Variants in PTCHD4 observed in about 807,000 individuals in gnomAD.
The protein encoded by PTCHD4 is patched domain-containing protein 4.
PTCHD4 carries 33 observed loss-of-function variants against 58.1 expected under a neutral mutation model. The ratio of observed to expected loss-of-function variants is 0.57; its 90% CI spans 0.43 to 0.76. The LOEUF is 0.76. Ranked by LOEUF, PTCHD4 falls within the 30% of genes least tolerant of loss-of-function variation. PTCHD4 has a pLI of 0.00. For synonymous variants in PTCHD4, 478 were observed against 409.6 expected (o/e 1.17, Z -2.02); for missense variants, 1,058 against 1,027.1 (o/e 1.03, Z -0.41).
intron 3 of PTCHD4, among the ~76,000 whole-genome samples, chr6:48,045,547 A>G (rs1450895065): frequency 6.6e-6 from 1 of 151,774 alleles, no homozygotes; most frequent in Non-Finnish European, 1.5e-5. Flanking sequence ...TCTTCCCTTC[A>G]GAGCATAAGA....
chr6:47,962,310 G>C (rs1361448077), intron 4 of PTCHD4, among the ~76,000 whole-genome samples: 1 of 152,112 alleles, frequency 6.6e-6, no homozygotes, highest in Non-Finnish European at 1.5e-5. Flanking sequence ...TTCAGGCAAC[G>C]AAGCTTCTGC....
In PTCHD4 at chr6:47,966,371, G is replaced by C. The variant is rs980783512; in HGVS notation, c.898+42263C>G. The stretch of plus-strand genomic sequence containing the variant: ...AATTAAAAATATTTTTTGGTAAAAA[G>C]TGCTAATGATTTTCTGAGCCTTGTG... On this transcript the variant is annotated intron_variant, in intron 4 of 4. Coordinates refer to ENST00000339488, the MANE Select transcript of PTCHD4 (RefSeq NM_001384253.1). Among the ~76,000 whole-genome samples the C allele has an allele frequency of 2.0e-5, 3 of 152,192 alleles. No individual in the cohort carries two copies. In the South Asian group the frequency reaches 6.2e-4, roughly 32 times the overall value.
chr6:47,893,670 T>C (rs182224058), intron 4 of PTCHD4, among the ~76,000 whole-genome samples: 3 of 152,340 alleles, frequency 2.0e-5, no homozygotes, highest in East Asian at 3.9e-4. Context: ...GAAACACAGA[T>C]ACATGAGTCC....
At chr6:48,064,100 G>A (rs1764715773) in intron 3 of PTCHD4, among the ~76,000 whole-genome samples, 1 of 152,114 alleles carries the variant, frequency 6.6e-6, no homozygotes, top group African/African-American at 2.4e-5. Context: ...GGTTATTAAT[G>A]GCATATAATG....
At chr6:47,996,635 A>G (rs1768498490) in intron 4 of PTCHD4, among the ~76,000 whole-genome samples, 1 of 152,166 alleles carries the variant, frequency 6.6e-6, no homozygotes, top group Non-Finnish European at 1.5e-5. Context: ...CCTGATGACT[A>G]CTTTCTTATT....
chr6:47,919,803 C>T (rs1349373337), intron 4 of PTCHD4, among the ~76,000 whole-genome samples: 3 of 152,052 alleles, frequency 2.0e-5, no homozygotes, highest in South Asian at 2.1e-4. Context: ...AAACAATTCT[C>T]GGTGTTCACT....
chr6:48,012,937 T>C (rs753924129), intron 3 of PTCHD4, among the ~76,000 whole-genome samples: 13 of 152,194 alleles, frequency 8.5e-5, no homozygotes, highest in Non-Finnish European at 1.2e-4. Context: ...TTGATTGTGG[T>C]AGATAAGCTT....
In PTCHD4 at chr6:47,860,375, C is replaced by A. The variant is rs1763396135; in HGVS notation, c.*17928G>T. 6.6e-6 allele frequency among the ~76,000 whole-genome samples: 1 copy of A among 151,878 alleles called. No homozygotes were observed. Among genetic ancestry groups the A allele is most frequent in the African/African-American group, 2.4e-5 (1 of 41,366 alleles). On this transcript the variant is annotated 3_prime_UTR_variant, in exon 5 of 5. Coordinates refer to ENST00000339488, the MANE Select transcript of PTCHD4 (RefSeq NM_001384253.1). ...ACAAAGAAATATATGACTCTAAAAA[C>A]AAATTCAGGTATTTTGAGAATATAG...
intron 4 of PTCHD4, among the ~76,000 whole-genome samples, chr6:47,897,623 G>A (rs1764564523): frequency 6.6e-6 from 1 of 152,188 alleles, no homozygotes; most frequent in Non-Finnish European, 1.5e-5. Flanking sequence ...GTTAGGTGGA[G>A]ATTCCTACAT....
intron 4 of PTCHD4, chr6:47,900,051 T>C (rs1764648644): frequency 6.6e-6 from 1 of 152,232 alleles, no homozygotes; most frequent in South Asian, 2.1e-4. Context: ...GACATTTGGA[T>C]TGTGTCTACC....
intron 3 of PTCHD4, among the ~76,000 whole-genome samples, chr6:48,066,988 G>C (rs1446186007): frequency 6.6e-6 from 1 of 151,508 alleles, no homozygotes; most frequent in Non-Finnish European, 1.5e-5. Context: ...TTCATTTATT[G>C]AAACTGGGGT....
chr6:47,967,271 A>G (rs1446926028), intron 4 of PTCHD4, among the ~76,000 whole-genome samples: 1 of 152,240 alleles, frequency 6.6e-6, no homozygotes, highest in Non-Finnish European at 1.5e-5. Flanking sequence ...TAATATTTTG[A>G]AAGGACTCTT....
chr6:48,027,580 T>C lies in PTCHD4; in HGVS notation c.418-18466A>G, dbSNP rs1343392964. Among the ~76,000 whole-genome samples, 6 of 152,180 alleles carry C rather than the reference T, an allele frequency of 3.9e-5. No individual in the cohort carries two copies. In the East Asian group the frequency reaches 7.7e-4, roughly 20 times the overall value. On this transcript the variant is annotated intron_variant, in intron 3 of 4. Transcript: ENST00000339488. ...TATGCTAAGTAACAGATATTTATTA[T>C]AAATCTAGATCATTTCTAACATAAA...
chr6:48,064,797 C>T (rs572509101), intron 3 of PTCHD4, among the ~76,000 whole-genome samples: 15 of 152,040 alleles, frequency 9.9e-5, no homozygotes, highest in South Asian at 2.1e-4. Flanking sequence ...AAAGGATATA[C>T]GATATGATTT....
At chr6:47,969,177 A>G (rs1767408821) in intron 4 of PTCHD4, among the ~76,000 whole-genome samples, 1 of 152,214 alleles carries the variant, frequency 6.6e-6, no homozygotes, top group African/African-American at 2.4e-5. Context: ...TAAAAAATGG[A>G]GTTACTGATC....
chr6:48,088,686 A>C (rs1765307718), intron 1 of PTCHD4, among the ~76,000 whole-genome samples: 1 of 152,200 alleles, frequency 6.6e-6, no homozygotes, highest in Admixed American at 6.5e-5. Context: ...TACATGTTTC[A>C]CACAGTCAGA....
chr6:47,996,527 C>T (rs945227936), intron 4 of PTCHD4, among the ~76,000 whole-genome samples: 1 of 152,046 alleles, frequency 6.6e-6, no homozygotes, highest in South Asian at 2.1e-4. Context: ...CCAGAAGCCC[C>T]GGGCTCAGTT....
chr6:48,064,136 AT>A (rs1764717297), intron 3 of PTCHD4, among the ~76,000 whole-genome samples: 1 of 152,088 alleles, frequency 6.6e-6, no homozygotes, highest in Non-Finnish European at 1.5e-5. Flanking sequence ...AGGGAAATAG[AT>A]TTGCTTTATT....
rs372044894 is a variant in PTCHD4 at position 48,008,905 on chromosome 6, G to T, written c.627C>A (p.Leu209=). 5 of 1,613,888 alleles carry T rather than the reference G, an allele frequency of 3.1e-6. No homozygotes were observed. The African/African-American group carries it at 6.7e-5, about 22-fold the overall frequency. ...TAAAGGATGCTAAAGAGTAGAGCTG[G>T]AGTTCTTGATGCTCCTCCTGGAGCT... ...IRKLQEEHQE[L]QLYSLASFSL... Residue 209 remains leucine (L), a synonymous_variant, in exon 4 of 5, where the codon CTC becomes CTA. Transcript: ENST00000339488.
Sources: gnomAD v4.1 joint callset for allele counts (sites outside exome capture counted in the v4.1 genomes callset) on GRCh38, gnomAD v4.1.1 for gene constraint, MANE v1.5 for transcripts, NCBI Gene and HGNC (gene_info 2026-07-23, HGNC 2026-07-21) for gene names.